Variants in TBC1D2 observed in about 807,000 individuals in gnomAD.
TBC1D2 encodes the protein TBC1 domain family member 2A.
In TBC1D2, 58 loss-of-function variants were observed where a neutral mutation model predicts 91.1. The ratio of observed to expected loss-of-function variants is 0.64; its 90% CI spans 0.52 to 0.79. The LOEUF is 0.79. Ranked by LOEUF, TBC1D2 falls within the 30% of genes least tolerant of loss-of-function variation. The pLI is 0.00. For synonymous variants in TBC1D2, 482 were observed against 511.5 expected (o/e 0.94, Z 0.78); for missense variants, 1,080 against 1,208.3 (o/e 0.89, Z 1.57).
chr9:98,203,262 C>T, intron 10 of TBC1D2, 26 bp downstream of exon 10: 1 of 1,613,444 alleles, frequency 6.2e-7, no homozygotes, highest in Non-Finnish European at 8.5e-7. Context: ...TACATGGCTG[C>T]AAAGTCCCCT....
At chr9:98,212,705 C>T (rs572383206) in intron 7 of TBC1D2, among the ~76,000 whole-genome samples, 99 of 152,140 alleles carry the variant, frequency 6.5e-4, no homozygotes, top group African/African-American at 1.8e-3. Flanking sequence ...GGGGTTTCAC[C>T]GTGTTGGCCA....
intron 2 of TBC1D2, among the ~76,000 whole-genome samples, chr9:98,246,294 G>A (rs1358658082): frequency 6.6e-6 from 1 of 152,172 alleles, no homozygotes; most frequent in African/African-American, 2.4e-5. Flanking sequence ...TGCAAAAAGG[G>A]TGTGGGTATA....
At chr9:98,200,653 T>C (rs1191522365) in intron 11 of TBC1D2, among the ~76,000 whole-genome samples, 1 of 152,132 alleles carries the variant, frequency 6.6e-6, no homozygotes, top group East Asian at 1.9e-4. Context: ...TGACTGTGGG[T>C]GAGGCACGGC....
chr9:98,201,614 C>G lies in TBC1D2; in HGVS notation c.2322G>C (p.Leu774=), dbSNP rs1039314473. The change falls in exon 11 of 13, where the codon CTG becomes CTC. Residue 774 remains leucine, a synonymous_variant. Transcript: ENST00000465784. ...QDLLSEKLPR[L]MAHLGQHHVD... ...CGTGGTGCTGCCCCAGATGGGCCATCAGCCTGGGCAGCTTCTCCGAGAGCA... is the reference window on the plus strand; with the variant it reads ...CGTGGTGCTGCCCCAGATGGGCCATGAGCCTGGGCAGCTTCTCCGAGAGCA... The G allele has an allele frequency of 6.2e-7, 1 of 1,613,950 alleles. No individual in the cohort carries two copies. Among genetic ancestry groups the G allele is most frequent in the African/African-American group, 1.3e-5 (1 of 75,040 alleles).
intron 11 of TBC1D2, 22 bp from the exon 12 acceptor site, chr9:98,200,396 A>G: frequency 3.3e-6 from 5 of 1,523,242 alleles, no homozygotes; most frequent in South Asian, 1.2e-5. Flanking sequence ...GTGGGGGCTC[A>G]GGTAGGGCAT....
chr9:98,242,803 C>CTCT lies in TBC1D2; in HGVS notation c.647+1190_647+1191insAGA, dbSNP rs1829675181. On this transcript the variant is annotated intron_variant, in intron 3 of 12. Transcript: ENST00000465784. ...TCCAAAGCCCAGGCCACACTGCTGC[C>CTCT]TTTTTTTTTTTTTTTTTTTTTTTTT... Among the ~76,000 whole-genome samples the CTCT allele has an allele frequency of 1.2e-4, 10 of 83,172 alleles. 1 individual carries two copies. The highest frequency in any genetic ancestry group is 8.9e-4 in the Admixed American group (6 of 6,760). The allele number at this position is 83,172 out of a possible 152,430, so 54.6% of individuals were successfully genotyped here.
intron 7 of TBC1D2, among the ~76,000 whole-genome samples, chr9:98,211,055 C>T (rs1036008850): frequency 3.3e-5 from 5 of 152,228 alleles, no homozygotes; most frequent in East Asian, 3.8e-4. Context: ...CAGGTTGGAG[C>T]TGGTTCAGAA....
At chr9:98,234,959 A>T (rs1829465375) in intron 3 of TBC1D2, 1 of 172,852 alleles carries the variant, frequency 5.8e-6, no homozygotes, top group Non-Finnish European at 1.2e-5. Flanking sequence ...TAATCCCAGC[A>T]CTTTGGGAGG....
intron 6 of TBC1D2, among the ~76,000 whole-genome samples, chr9:98,214,665 C>T (rs73486588): frequency 0.023 from 3,361 of 147,272 alleles, 327 homozygotes; most frequent in African/African-American, 0.086. Flanking sequence ...GGCACATCCT[C>T]GTCAGGGTCA....
Position 98,255,550 on chromosome 9 carries a change from G to A in TBC1D2, c.-9C>T, listed in dbSNP as rs768833813. The A allele has an allele frequency of 6.7e-7, 1 of 1,501,586 alleles. No individual in the cohort carries two copies. The highest frequency in any genetic ancestry group is 1.4e-5 in the South Asian group (1 of 74,052). 93.0% of individuals were successfully genotyped at this position (1,501,586 alleles called of 1,614,324 possible). On this transcript the variant is annotated 5_prime_UTR_variant, in exon 1 of 13. Coordinates refer to ENST00000465784, the MANE Select transcript of TBC1D2 (RefSeq NM_001267571.2). ...TCCCCAGCGCCCTCCATCGCTGCCA[G>A]CCGGAGACTGCGGAGGGACGAGGGG...
intron 3 of TBC1D2, 44 bp downstream of exon 3, chr9:98,243,950 G>C (rs763480482): frequency 6.3e-7 from 1 of 1,575,674 alleles, no homozygotes; most frequent in Admixed American, 1.9e-5. Flanking sequence ...CACTGAAGGG[G>C]CTGCCTGCAG....
At chr9:98,248,019 G>A (rs1362697780) in intron 2 of TBC1D2, among the ~76,000 whole-genome samples, 1 of 152,104 alleles carries the variant, frequency 6.6e-6, no homozygotes, top group Non-Finnish European at 1.5e-5. Flanking sequence ...CAAGTCCTGG[G>A]GGTTGTCATC....
At chr9:98,245,256 A>G (rs1455275706) in intron 2 of TBC1D2, among the ~76,000 whole-genome samples, 1 of 151,102 alleles carries the variant, frequency 6.6e-6, no homozygotes, top group East Asian at 1.9e-4. Flanking sequence ...CAAAACAAAG[A>G]AACAAAACAA....
chr9:98,247,987 C>G (rs1423798432), intron 2 of TBC1D2, among the ~76,000 whole-genome samples: 1 of 152,028 alleles, frequency 6.6e-6, no homozygotes, highest in Non-Finnish European at 1.5e-5. Flanking sequence ...GGGCCTAGAT[C>G]AACTCTGAGA....
intron 5 of TBC1D2, among the ~76,000 whole-genome samples, chr9:98,227,970 T>C (rs939677479): frequency 1.5e-4 from 23 of 151,976 alleles, no homozygotes; most frequent in African/African-American, 5.6e-4. Context: ...AAAGAAGAAA[T>C]GTACAAGTTA....
intron 6 of TBC1D2, among the ~76,000 whole-genome samples, chr9:98,214,713 G>C (rs1009585679): frequency 7.9e-5 from 12 of 152,210 alleles, no homozygotes; most frequent in Non-Finnish European, 1.2e-4. Flanking sequence ...GCCCTCCCTG[G>C]GTGGGTCTTC....
intron 3 of TBC1D2, among the ~76,000 whole-genome samples, chr9:98,242,164 G>A (rs566767630): frequency 6.6e-6 from 1 of 152,170 alleles, no homozygotes; most frequent in Non-Finnish European, 1.5e-5. Context: ...TGCCCAGGCT[G>A]GGCGTGGTGG....
intron 5 of TBC1D2, among the ~76,000 whole-genome samples, chr9:98,224,228 A>G (rs1485623897): frequency 1.3e-5 from 2 of 151,186 alleles, no homozygotes; most frequent in Non-Finnish European, 2.9e-5. Flanking sequence ...AAAGAAAAGA[A>G]AAATAGAGGG....
At position 98,253,545 on chromosome 9, in the gene TBC1D2, T is replaced by C. The variant is rs554089889; in HGVS notation, c.370-1619A>G. Among the ~76,000 whole-genome samples, 4 of 152,332 alleles carry C rather than the reference T, an allele frequency of 2.6e-5. No homozygotes were observed. In the South Asian group the frequency reaches 8.3e-4, roughly 32 times the overall value. On this transcript the variant is annotated intron_variant, in intron 1 of 12. Coordinates refer to ENST00000465784, the MANE Select transcript of TBC1D2 (RefSeq NM_001267571.2). ...CTCGGGCCTCTGCTCTTCAACTCCA[T>C]CCTTTGGGCCCCTCTGTTTTTCTGG...
Sources: gnomAD v4.1 joint callset for allele counts (sites outside exome capture counted in the v4.1 genomes callset) on GRCh38, gnomAD v4.1.1 for gene constraint, MANE v1.5 for transcripts, NCBI Gene and HGNC (gene_info 2026-07-23, HGNC 2026-07-21) for gene names.